The following MAX variants were observed in gnomAD, a reference collection of about 807,000 sequenced individuals.
MAX encodes the protein protein max.
In MAX, 3 loss-of-function variants were observed where a neutral mutation model predicts 22.3. That is an observed-to-expected ratio of 0.13 (90% confidence interval 0.06 to 0.35). The LOEUF is 0.35. Ranked by LOEUF, MAX falls within the 10% of genes least tolerant of loss-of-function variation. The pLI is 1.00. For synonymous variants in MAX, 72 were observed against 77.7 expected, an observed-to-expected ratio of 0.93 and a Z score of 0.39; for missense variants, 119 against 209.4, an observed-to-expected ratio of 0.57 and a Z score of 2.66.
At position 65,088,699 on chromosome 14, in the gene MAX, T is replaced by G. The variant is rs911541773; in HGVS notation, c.171+5009A>C. 6.6e-6 allele frequency among the ~76,000 whole-genome samples: 1 copy of G among 152,246 alleles called. No homozygotes were observed. The highest frequency in any genetic ancestry group is 3.2e-3 in the Middle Eastern group (1 of 316). ...AATATTCACTATGCTCCCTACTATGTGCAGGCACTGAGGGAAGAAATATAA... is the reference window on the plus strand; with the variant it reads ...AATATTCACTATGCTCCCTACTATGGGCAGGCACTGAGGGAAGAAATATAA... On this transcript the variant is annotated intron_variant, in intron 3 of 4. Transcript: ENST00000358664. This position sits in a 1 kb window ranked among gnomAD's most constrained non-coding sequence, Gnocchi z 5.2.
chr14:65,079,653 C>T lies in MAX; in HGVS notation c.172-1617G>A, dbSNP rs1169209824. On this transcript the variant is annotated intron_variant, in intron 3 of 4. Transcript: ENST00000358664. The surrounding 1 kb of genome is among the most constrained non-coding windows in gnomAD (Gnocchi z 4.5). ...GCTTGACAATTCTGTATTACAAGCC[C>T]AATGGGTCCTAAACAACCAGAACAC... 1.3e-5 allele frequency among the ~76,000 whole-genome samples: 2 copies of T among 152,162 alleles called. No individual in the cohort carries two copies. Among genetic ancestry groups the T allele is most frequent in the Non-Finnish European group, 2.9e-5 (2 of 68,032 alleles).
At chr14:65,071,785 G>A (rs1453419870), downstream of MAX, among the ~76,000 whole-genome samples, 1 of 152,144 alleles carries the variant, frequency 6.6e-6, no homozygotes, top group African/African-American at 2.4e-5. This position sits in a 1 kb window ranked among gnomAD's most constrained non-coding sequence, Gnocchi z 4.2. Context: ...ACCAAGCAAG[G>A]ACAACACTTA....
At chr14:65,097,263 T>C (rs559321355) in intron 2 of MAX, among the ~76,000 whole-genome samples, 1 of 152,358 alleles carries the variant, frequency 6.6e-6, no homozygotes, top group South Asian at 2.1e-4. Flanking sequence ...GAAGTTGCTA[T>C]GTTGGCAAGA....
Position 65,054,293 on chromosome 14 carries a change from G to A in MAX, c.171+39415C>T, listed in dbSNP as rs1013285500. Among the ~76,000 whole-genome samples the A allele has an allele frequency of 3.3e-5, 5 of 151,812 alleles. No homozygotes were observed. The highest frequency in any genetic ancestry group is 1.5e-5 in the Non-Finnish European group (1 of 67,996). On this transcript the variant is annotated intron_variant, in intron 3 of 3. Transcript: ENST00000341653. This position sits in a 1 kb window ranked among gnomAD's most constrained non-coding sequence, Gnocchi z 4.4. ...ACACCTAGCTAATTTTTAATTTTTT[G>A]TAGAGACGGGGTCTCCCATGTTGCC...
At chr14:65,083,751 C>A in intron 3 of MAX, 1 of 1,085,944 alleles carries the variant, frequency 9.2e-7, no homozygotes, top group East Asian at 4.9e-5. Context: ...GACTCAACAA[C>A]TGACATCTGT....
intron 2 of MAX, among the ~76,000 whole-genome samples, chr14:65,096,745 A>G (rs2063685710): frequency 6.6e-6 from 1 of 152,228 alleles, no homozygotes; most frequent in Non-Finnish European, 1.5e-5. Context: ...TCTTGAACAA[A>G]TAAAACTCTA....
chr14:65,055,531 T>G (rs535373660), intron 3 of MAX, among the ~76,000 whole-genome samples: 14 of 152,262 alleles, frequency 9.2e-5, no homozygotes, highest in African/African-American at 1.9e-4. Flanking sequence ...TAATTTTTTT[T>G]TGTGAGACAA....
chr14:65,017,016 G>A (rs938352356), intron 3 of MAX, among the ~76,000 whole-genome samples: 3 of 142,656 alleles, frequency 2.1e-5, no homozygotes, highest in East Asian at 4.7e-4. Flanking sequence ...TCTGCTTCCC[G>A]GGTTCAAGCG....
rs1370295779 is a variant in MAX, at chr14:65,029,952, C to A, written c.172-23668G>T. On this transcript the variant is annotated intron_variant, in intron 3 of 3. Transcript: ENST00000341653. This position sits in a 1 kb window ranked among gnomAD's most constrained non-coding sequence, Gnocchi z 4.7. ...AAGAAGGCTTGGATTTGGGTGATGG[C>A]AGCAAGGATGGAAAGTTAGTGGACA... Among the ~76,000 whole-genome samples, 1 of 152,242 alleles carries A rather than the reference C, an allele frequency of 6.6e-6. No homozygotes were observed. The highest frequency in any genetic ancestry group is 1.5e-5 in the Non-Finnish European group (1 of 68,020).
At chr14:65,017,509 A>G (rs1439437951) in intron 3 of MAX, among the ~76,000 whole-genome samples, 2 of 152,116 alleles carry the variant, frequency 1.3e-5, no homozygotes, top group East Asian at 1.9e-4. Flanking sequence ...TAGGCTGTGT[A>G]CTTGGTGTTT....
At chr14:65,090,089 T>G (rs1042652859) in intron 3 of MAX, 1 of 152,162 alleles carries the variant, frequency 6.6e-6, no homozygotes, top group Admixed American at 6.5e-5. Flanking sequence ...CTTTAAATGA[T>G]CCTTAATACC....
intron 2 of MAX, among the ~76,000 whole-genome samples, chr14:65,095,471 G>C (rs1006167730): frequency 6.6e-6 from 1 of 152,166 alleles, no homozygotes; most frequent in African/African-American, 2.4e-5. Context: ...CAAAATTATA[G>C]ATGCCTTCTA....
chr14:65,043,509 A>C (rs190117936), intron 3 of MAX, among the ~76,000 whole-genome samples: 1 of 152,350 alleles, frequency 6.6e-6, no homozygotes, highest in East Asian at 1.9e-4. Context: ...AGTCAGGAGC[A>C]GTTTGAGATC....
At chr14:65,081,314 C>A (rs2063193776) in intron 3 of MAX, among the ~76,000 whole-genome samples, 1 of 152,026 alleles carries the variant, frequency 6.6e-6, no homozygotes, top group Non-Finnish European at 1.5e-5. Flanking sequence ...ACAGAAATAC[C>A]CCAAATTTGC....
intron 3 of MAX, among the ~76,000 whole-genome samples, chr14:65,066,924 C>A (rs1174033696): frequency 6.6e-6 from 1 of 150,710 alleles, no homozygotes; most frequent in East Asian, 1.9e-4. Context: ...GACTGTAATC[C>A]CAACACTTTG....
chr14:65,010,716 G>A (rs2061668996), intron 3 of MAX, among the ~76,000 whole-genome samples: 1 of 152,158 alleles, frequency 6.6e-6, no homozygotes, highest in Non-Finnish European at 1.5e-5. Context: ...GAGTAGAAAT[G>A]CCTTAGTCAG....
chr14:65,020,203 G>A (rs2061859149), intron 3 of MAX, among the ~76,000 whole-genome samples: 1 of 152,214 alleles, frequency 6.6e-6, no homozygotes, highest in Admixed American at 6.5e-5. Flanking sequence ...TATGACCGCT[G>A]ACCAAAGCCA....
At chr14:65,038,548 T>A (rs2062267839) in intron 3 of MAX, among the ~76,000 whole-genome samples, 1 of 151,400 alleles carries the variant, frequency 6.6e-6, no homozygotes, top group African/African-American at 2.4e-5. Flanking sequence ...TGAAACCCTG[T>A]CTTTACTAAA....
intron 3 of MAX, among the ~76,000 whole-genome samples, chr14:65,056,748 A>G (rs1009473466): frequency 6.6e-6 from 1 of 152,180 alleles, no homozygotes; most frequent in African/African-American, 2.4e-5. Flanking sequence ...TATCAGTTAC[A>G]TGTGTGTAGT....
Sources: allele counts gnomAD v4.1 joint callset (sites outside exome capture counted in the v4.1 genomes callset), GRCh38; gene constraint gnomAD v4.1.1; non-coding constraint Gnocchi (gnomAD v3.1); transcripts MANE v1.5; gene names NCBI Gene and HGNC (gene_info 2026-07-23, HGNC 2026-07-21).